The following LARP4B variants were observed in gnomAD, a reference collection of about 807,000 sequenced individuals.
The protein encoded by LARP4B is La ribonucleoprotein 4B.
LARP4B carries 12 observed loss-of-function variants against 89.8 expected under a neutral mutation model. That is an observed-to-expected ratio of 0.13 (90% CI 0.09 to 0.22). The LOEUF (loss-of-function observed/expected upper bound fraction) is 0.22. Ranked by LOEUF, LARP4B falls within the 10% of genes least tolerant of loss-of-function variation. The pLI is 1.00. For synonymous variants in LARP4B, 367 were observed against 363.3 expected, an observed-to-expected ratio of 1.01 and a Z score of -0.12; for missense variants, 757 against 947.7, an observed-to-expected ratio of 0.80 and a Z score of 2.64.
chr10:936,317 T>C (rs1299308771), upstream of LARP4B, among the ~76,000 whole-genome samples: 2 of 150,912 alleles, frequency 1.3e-5, no homozygotes, highest in African/African-American at 4.9e-5. Context: ...ACAAGCGGGG[T>C]CCAAGCCAAC....
upstream of LARP4B, among the ~76,000 whole-genome samples, chr10:934,111 C>T (rs538406038): frequency 3.9e-5 from 6 of 152,020 alleles, no homozygotes; most frequent in South Asian, 4.2e-4. Context: ...GGATTACAGG[C>T]GTGAGCCACC....
intron 1 of LARP4B, among the ~76,000 whole-genome samples, chr10:911,067 ATG>A (rs1179171065): frequency 6.6e-6 from 1 of 152,204 alleles, no homozygotes; most frequent in Admixed American, 6.5e-5. Flanking sequence ...CATCAGCTGG[ATG>A]TGTGTGCACT....
At chr10:931,210 C>T (rs934330316) in intron 1 of LARP4B, among the ~76,000 whole-genome samples, 66 of 149,490 alleles carry the variant, frequency 4.4e-4, no homozygotes, top group African/African-American at 1.5e-3. Flanking sequence ...TGGCCCTGAC[C>T]CCGGTCCTCC....
the LARP4B span, among the ~76,000 whole-genome samples, chr10:962,284 T>G: frequency 8.9e-6 from 1 of 111,952 alleles, no homozygotes; most frequent in African/African-American, 3.6e-5. Context: ...GCAACAAGAG[T>G]GAAACTCCAT....
chr10:981,814 G>A, the LARP4B span, among the ~76,000 whole-genome samples: 6 of 151,998 alleles, frequency 3.9e-5, no homozygotes, highest in Admixed American at 1.3e-4. Flanking sequence ...TGATCCACCT[G>A]CCTCGGCCTC....
chr10:857,509 T>C (rs1006893297), intron 5 of LARP4B, among the ~76,000 whole-genome samples: 9 of 152,304 alleles, frequency 5.9e-5, no homozygotes, highest in Non-Finnish European at 1.0e-4. Context: ...CCTTGAGAGC[T>C]TGAACTGTGA....
intron 15 of LARP4B, among the ~76,000 whole-genome samples, chr10:816,770 C>A (rs554261523): frequency 6.6e-6 from 1 of 152,326 alleles, no homozygotes; most frequent in South Asian, 2.1e-4. Context: ...TGACCATCTA[C>A]CAATATGAAA....
chr10:829,118 A>T (rs1410102744), intron 11 of LARP4B, among the ~76,000 whole-genome samples: 1 of 152,218 alleles, frequency 6.6e-6, no homozygotes, highest in Non-Finnish European at 1.5e-5. Flanking sequence ...GGTACACTAC[A>T]GCACTTATCG....
At chr10:915,186 G>C (rs775706415) in intron 1 of LARP4B, among the ~76,000 whole-genome samples, 2 of 152,160 alleles carry the variant, frequency 1.3e-5, no homozygotes, top group Non-Finnish European at 2.9e-5. Flanking sequence ...TCAGGAGGCT[G>C]AGGTGGGAGG....
intron 14 of LARP4B, 148 bp from the exon 15 acceptor site, chr10:818,037 C>G: frequency 1.4e-6 from 1 of 706,354 alleles, no homozygotes; most frequent in African/African-American, 1.8e-5. Flanking sequence ...AAGGTTCTCC[C>G]AAGCAACTTC....
At position 822,448 on chromosome 10, in the gene LARP4B, C is replaced by T. The variant is rs891424187; in HGVS notation, c.1485-1603G>A. Among the ~76,000 whole-genome samples, 2 of 152,232 alleles carry T rather than the reference C, an allele frequency of 1.3e-5. No individual in the cohort carries two copies. The highest frequency in any genetic ancestry group is 4.8e-5 in the African/African-American group (2 of 41,462). On this transcript the variant is annotated intron_variant, in intron 13 of 17. Coordinates refer to ENST00000316157, the MANE Select transcript of LARP4B (RefSeq NM_015155.3). The surrounding 1 kb of genome is among the most constrained non-coding windows in gnomAD (Gnocchi z 4.6). The stretch of plus-strand genomic sequence containing the variant: ...TTGGAACACAGCGGTGTCCAGGACA[C>T]AGACCTGCCTGCCATGGGGTCCTAT...
chr10:891,234 C>G (rs1483771042), intron 1 of LARP4B, among the ~76,000 whole-genome samples: 2 of 151,728 alleles, frequency 1.3e-5, no homozygotes, highest in East Asian at 3.9e-4. Context: ...CAGGGGACCA[C>G]CAAGGGATTC....
intron 2 of LARP4B, among the ~76,000 whole-genome samples, 173 bp downstream of exon 2, chr10:885,468 C>T (rs1430459611): frequency 1.3e-5 from 2 of 152,188 alleles, no homozygotes; most frequent in Non-Finnish European, 2.9e-5. Flanking sequence ...GGGGTCTCAG[C>T]CATGATCCTC....
intron 13 of LARP4B, among the ~76,000 whole-genome samples, chr10:821,813 C>T (rs755462932): frequency 2.6e-5 from 4 of 152,208 alleles, no homozygotes; most frequent in Non-Finnish European, 5.9e-5. Flanking sequence ...GGAGCAAATC[C>T]CTATTATCTC....
intron 5 of LARP4B, among the ~76,000 whole-genome samples, chr10:858,780 G>A (rs1054398938): frequency 2.0e-5 from 3 of 152,166 alleles, no homozygotes; most frequent in Non-Finnish European, 4.4e-5. Context: ...CAAAAAGGGT[G>A]CTTGGCATCA....
At chr10:841,212 C>T (rs184784405) in intron 7 of LARP4B, among the ~76,000 whole-genome samples, 1 of 152,276 alleles carries the variant, frequency 6.6e-6, no homozygotes, top group Admixed American at 6.5e-5. Flanking sequence ...AAGATGAGAA[C>T]TTTGCTCCTG....
the LARP4B span, among the ~76,000 whole-genome samples, chr10:963,927 A>T: frequency 3.3e-5 from 5 of 152,296 alleles, 1 homozygote; most frequent in South Asian, 1.0e-3. Flanking sequence ...TTGGGGATGA[A>T]GTTTCCAACA....
chr10:900,415 G>A (rs978318782), intron 1 of LARP4B, among the ~76,000 whole-genome samples: 5 of 104,318 alleles, frequency 4.8e-5, no homozygotes, highest in Non-Finnish European at 9.3e-5. Flanking sequence ...CGGAAAGAAG[G>A]ATGTCTTTTT....
intron 5 of LARP4B, among the ~76,000 whole-genome samples, chr10:856,699 G>A (rs541440230): frequency 6.6e-6 from 1 of 152,172 alleles, no homozygotes; most frequent in Non-Finnish European, 1.5e-5. Flanking sequence ...TCTGGAGCTC[G>A]ATCAGGTCCT....
Sources: gnomAD v4.1 joint callset for allele counts (sites outside exome capture counted in the v4.1 genomes callset) on GRCh38, gnomAD v4.1.1 for gene constraint, Gnocchi (gnomAD v3.1) non-coding constraint, MANE v1.5 for transcripts, NCBI Gene and HGNC (gene_info 2026-07-23, HGNC 2026-07-21) for gene names.